The following ATE1 variants were observed in gnomAD, a reference collection of about 807,000 sequenced individuals.
The protein encoded by ATE1 is arginyl-tRNA--protein transferase 1.
In ATE1, 36 loss-of-function variants were observed where a neutral mutation model predicts 70.5. The ratio of observed to expected loss-of-function variants is 0.51; its 90% CI spans 0.39 to 0.67. The LOEUF (loss-of-function observed/expected upper bound fraction) is 0.67. ATE1 is among the 30% of genes least tolerant of loss of function. ATE1 has a pLI of 0.00. For missense variants in ATE1, 593 were observed against 629.5 expected, an observed-to-expected ratio of 0.94 and a Z score of 0.62; for synonymous variants, 232 against 219.3, an observed-to-expected ratio of 1.06 and a Z score of -0.51.
intron 10 of ATE1, among the ~76,000 whole-genome samples, chr10:121,810,622 A>G (rs1321190084): frequency 1.3e-5 from 2 of 152,210 alleles, no homozygotes; most frequent in African/African-American, 4.8e-5. Context: ...ACATATGACT[A>G]GTATGACTGA....
chr10:121,902,628 G>T lies in ATE1; in HGVS notation c.584-8C>A. On this transcript the variant is annotated splice_polypyrimidine_tract_variant and splice_region_variant and intron_variant, in intron 5 of 11. Transcript: ENST00000224652. ...TCAAATCAGCCCCTTTGCCTAAAAA[G>T]AATTTTAAAATATTAGACCAATCAC... 6.3e-7 allele frequency: 1 copy of T among 1,583,740 alleles called. No individual in the cohort carries two copies. The highest frequency in any genetic ancestry group is 8.6e-7 in the Non-Finnish European group (1 of 1,164,796).
At chr10:121,758,080 C>A (rs2135758678) in intron 11 of ATE1, among the ~76,000 whole-genome samples, 1 of 152,172 alleles carries the variant, frequency 6.6e-6, no homozygotes, top group South Asian at 2.1e-4. Flanking sequence ...AGGATAGAGT[C>A]CTGAGACAAG....
rs139868359 is a variant in ATE1, at chr10:121,910,022, C to CGGCA, written c.583+880_583+883dup. 3.4e-3 allele frequency among the ~76,000 whole-genome samples: 516 copies of CGGCA among 152,232 alleles called. 4 individuals carry two copies. The highest frequency in any genetic ancestry group is 0.012 in the African/African-American group (494 of 41,526). ...TCACGCCACTTCACTCCAGCCTAGG[C>CGGCA]GGCAGAGCAAGACCCTGTCTCAAAT... On this transcript the variant is annotated intron_variant, in intron 5 of 11. Coordinates refer to ENST00000224652, the MANE Select transcript of ATE1 (RefSeq NM_001001976.3).
rs185838353 is a variant in ATE1 at position 121,878,302 on chromosome 10, T to C, written c.943-8264A>G. 2.7e-3 allele frequency among the ~76,000 whole-genome samples: 408 copies of C among 152,046 alleles called. 5 individuals carry two copies. Among genetic ancestry groups the C allele is most frequent in the Non-Finnish European group, 7.4e-4 (50 of 67,968 alleles). On this transcript the variant is annotated intron_variant, in intron 7 of 11. Coordinates refer to ENST00000224652, the MANE Select transcript of ATE1 (RefSeq NM_001001976.3). ...GTGACTATAAGAGCATATACATAAGTAAAAATTTGGCCAGGCGTGTTGTTT... is the reference window on the plus strand; with the variant it reads ...GTGACTATAAGAGCATATACATAAGCAAAAATTTGGCCAGGCGTGTTGTTT...
At chr10:121,905,555 T>C (rs932536974) in intron 5 of ATE1, among the ~76,000 whole-genome samples, 1 of 152,114 alleles carries the variant, frequency 6.6e-6, no homozygotes, top group Admixed American at 6.6e-5. Context: ...GAAAGTAGGA[T>C]TTCAGGCGGG....
At chr10:121,854,423 C>T (rs1007284745) in intron 8 of ATE1, among the ~76,000 whole-genome samples, 5 of 152,122 alleles carry the variant, frequency 3.3e-5, no homozygotes, top group Admixed American at 3.3e-4. Context: ...AAATTATAGT[C>T]AGCAGTTCTG....
chr10:121,917,229 G>A (rs1302087721), intron 3 of ATE1, among the ~76,000 whole-genome samples: 1 of 152,088 alleles, frequency 6.6e-6, no homozygotes, highest in Non-Finnish European at 1.5e-5. Flanking sequence ...TTCAGATCAA[G>A]CCGGTCAGAA....
intron 8 of ATE1, among the ~76,000 whole-genome samples, chr10:121,845,291 G>A (rs2133820437): frequency 6.6e-6 from 1 of 152,258 alleles, no homozygotes; most frequent in South Asian, 2.1e-4. Context: ...AATAGATGAA[G>A]CACAGGGACT....
At chr10:121,814,760 A>T (rs541834660) in intron 10 of ATE1, among the ~76,000 whole-genome samples, 4 of 152,228 alleles carry the variant, frequency 2.6e-5, no homozygotes, top group African/African-American at 9.6e-5. Flanking sequence ...TAACATCACC[A>T]GCAAAGTAGG....
chr10:121,882,446 A>ATAG (rs1478751163), intron 7 of ATE1, among the ~76,000 whole-genome samples: 2 of 152,220 alleles, frequency 1.3e-5, no homozygotes, highest in Non-Finnish European at 2.9e-5. Flanking sequence ...TTGGCCAAGC[A>ATAG]CCTTTACAAG....
chr10:121,888,088 GA>G (rs931841211), intron 7 of ATE1, among the ~76,000 whole-genome samples: 25 of 152,064 alleles, frequency 1.6e-4, no homozygotes, highest in African/African-American at 5.5e-4. Flanking sequence ...TAATTACAAA[GA>G]AAAAAATATA....
At chr10:121,881,501 T>C (rs1590615978) in intron 7 of ATE1, among the ~76,000 whole-genome samples, 2 of 152,176 alleles carry the variant, frequency 1.3e-5, no homozygotes, top group South Asian at 4.1e-4. Context: ...ACACGTATTT[T>C]AATAGAAACT....
chr10:121,803,479 A>G (rs1219565186), intron 10 of ATE1, among the ~76,000 whole-genome samples: 5 of 152,262 alleles, frequency 3.3e-5, no homozygotes, highest in African/African-American at 1.2e-4. Context: ...AAAATCAGAA[A>G]TAAGTATGAA....
At chr10:121,809,798 CAGA>C (rs1947245627) in intron 10 of ATE1, among the ~76,000 whole-genome samples, 1 of 151,048 alleles carries the variant, frequency 6.6e-6, no homozygotes, top group Non-Finnish European at 1.5e-5. Flanking sequence ...AAGGGGCAAA[CAGA>C]AGAAGGGCTG....
intron 11 of ATE1, among the ~76,000 whole-genome samples, chr10:121,750,535 T>A (rs117511092): frequency 0.025 from 3,841 of 152,278 alleles, 172 homozygotes; most frequent in East Asian, 0.22. Context: ...ACTACTTGAT[T>A]TTTTCCCCCA....
rs866473472 is a variant in ATE1, at chr10:121,858,584, A to G, written c.975+11422T>C. 7.4e-5 allele frequency among the ~76,000 whole-genome samples: 11 copies of G among 148,894 alleles called. 1 individual carries two copies. The highest frequency in any genetic ancestry group is 2.5e-4 in the African/African-American group (10 of 40,814). ...TAGTTTCTAACTAGGAACAAACACT[A>G]AAACAATGACCATAATTAAAAGTTT... is the stretch of plus-strand genomic sequence containing the variant. On this transcript the variant is annotated intron_variant, in intron 8 of 11. Coordinates refer to ENST00000224652, the MANE Select transcript of ATE1 (RefSeq NM_001001976.3).
At chr10:121,897,081 G>C (rs1174720792) in intron 7 of ATE1, among the ~76,000 whole-genome samples, 1 of 152,034 alleles carries the variant, frequency 6.6e-6, no homozygotes, top group Non-Finnish European at 1.5e-5. Flanking sequence ...CTAACCTCCA[G>C]TTTCACACTA....
At chr10:121,853,319 A>G (rs1042736606) in intron 8 of ATE1, among the ~76,000 whole-genome samples, 84 of 146,546 alleles carry the variant, frequency 5.7e-4, no homozygotes, top group African/African-American at 1.8e-3. Flanking sequence ...AGCAGAGATC[A>G]TGCCACTGAT....
chr10:121,868,774 T>C (rs1949749098), intron 8 of ATE1, among the ~76,000 whole-genome samples: 1 of 152,184 alleles, frequency 6.6e-6, no homozygotes. Flanking sequence ...ACTCAGACAA[T>C]GTGACCAAAC....
Sources: allele counts gnomAD v4.1 joint callset (sites outside exome capture counted in the v4.1 genomes callset), GRCh38; gene constraint gnomAD v4.1.1; transcripts MANE v1.5; gene names NCBI Gene and HGNC (gene_info 2026-07-23, HGNC 2026-07-21).